The following CCDC171 variants were observed in gnomAD, a reference collection of about 807,000 sequenced individuals.
CCDC171 encodes the protein coiled-coil domain containing 171, also known as coiled-coil domain-containing protein 171.
In CCDC171, 177 loss-of-function variants were observed where a neutral mutation model predicts 168.2. The observed-to-expected ratio is 1.05, with a 90% CI of 0.93 to 1.19. CCDC171 has a LOEUF of 1.19. CCDC171 is among the 50% of genes most tolerant of loss of function. CCDC171 has a pLI of 0.00. For missense variants in CCDC171, 1,991 were observed against 1,539.0 expected (o/e 1.29, Z -4.91); for synonymous variants, 687 against 540.8 (o/e 1.27, Z -3.75).
At chr9:15,797,889 C>A (rs1588562449) in intron 21 of CCDC171, among the ~76,000 whole-genome samples, 2 of 152,136 alleles carry the variant, frequency 1.3e-5, no homozygotes, top group Non-Finnish European at 2.9e-5. Flanking sequence ...CTGTTTAAAA[C>A]ATATGGTCCT....
At chr9:15,952,473 C>T (rs551980905) in intron 25 of CCDC171, among the ~76,000 whole-genome samples, 2 of 152,150 alleles carry the variant, frequency 1.3e-5, no homozygotes, top group Non-Finnish European at 2.9e-5. Context: ...TCTCAGCTCA[C>T]TGCAACCTCG....
the CCDC171 span, among the ~76,000 whole-genome samples, chr9:16,082,513 G>A: frequency 6.6e-6 from 1 of 152,118 alleles, no homozygotes; most frequent in African/African-American, 2.4e-5. Flanking sequence ...TTTTTGACCT[G>A]GGCCTGGGGT....
In CCDC171 at chr9:15,934,345, ATGCCAC is replaced by A. The variant is rs1267488898; in HGVS notation, c.3753+13927_3753+13932del. Among the ~76,000 whole-genome samples, 4 of 147,612 alleles carry A rather than the reference ATGCCAC, an allele frequency of 2.7e-5. No individual in the cohort carries two copies. The East Asian group carries it at 8.1e-4, about 30-fold the overall frequency. On this transcript the variant is annotated intron_variant, in intron 25 of 25. Coordinates refer to ENST00000380701, the MANE Select transcript of CCDC171 (RefSeq NM_173550.4). ...TTGAAGGCTGCAGTGAGCTATGATC[ATGCCAC>A]TGCACTCCAGCCTGGGCAACAGTGT...
chr9:16,076,094 G>A, the CCDC171 span, among the ~76,000 whole-genome samples: 6 of 152,020 alleles, frequency 3.9e-5, no homozygotes, highest in Admixed American at 3.9e-4. Flanking sequence ...AGGAGGTAGA[G>A]GGGTGAATGC....
intron 9 of CCDC171, among the ~76,000 whole-genome samples, chr9:15,678,154 T>G (rs1043331358): frequency 6.6e-6 from 1 of 151,456 alleles, no homozygotes; most frequent in African/African-American, 2.4e-5. Context: ...CAAATGATCT[T>G]CCTGCTATGG....
intron 10 of CCDC171, among the ~76,000 whole-genome samples, chr9:15,680,417 T>A (rs1272374620): frequency 2.0e-5 from 3 of 152,200 alleles, no homozygotes; most frequent in African/African-American, 7.2e-5. Flanking sequence ...GGACAATGGA[T>A]ATTATTTTCC....
chr9:15,649,345 C>G (rs2047312762), intron 7 of CCDC171, among the ~76,000 whole-genome samples: 1 of 152,178 alleles, frequency 6.6e-6, no homozygotes, highest in Admixed American at 6.5e-5. Flanking sequence ...TGGGCAAGGA[C>G]TTCATGACTA....
chr9:16,053,273 A>G (rs894633270), intron 1 of CCDC171, among the ~76,000 whole-genome samples: 1 of 152,272 alleles, frequency 6.6e-6, no homozygotes, highest in Admixed American at 6.5e-5. Flanking sequence ...ACCAGAGTCC[A>G]GGTCCACTGA....
intron 25 of CCDC171, among the ~76,000 whole-genome samples, chr9:15,952,429 G>A (rs773418666): frequency 6.6e-6 from 1 of 151,982 alleles, no homozygotes; most frequent in Non-Finnish European, 1.5e-5. Context: ...ACAGAGTCTC[G>A]CTGTGTTTCC....
At chr9:15,934,784 C>A (rs1450206679) in intron 25 of CCDC171, among the ~76,000 whole-genome samples, 1 of 151,998 alleles carries the variant, frequency 6.6e-6, no homozygotes, top group African/African-American at 2.4e-5. Context: ...TAGGTAAATG[C>A]CATACAGCCA....
Position 15,889,004 on chromosome 9 carries a change from A to G in CCDC171, c.3600+14341A>G, listed in dbSNP as rs547436932. The G allele has an allele frequency of 8.1e-5, 10 of 124,136 alleles. No individual in the cohort carries two copies. In the East Asian group the frequency reaches 2.3e-3, roughly 29 times the overall value. The allele number at this position is 124,136 out of a possible 1,614,324, so 7.7% of individuals were successfully genotyped here. ...ACAGGGTCTTACTTCTGTCATCCAG[A>G]CTGGAGTGCAGCAGTGCGATCTCAG... On this transcript the variant is annotated intron_variant, in intron 24 of 25. Coordinates refer to ENST00000380701, the MANE Select transcript of CCDC171 (RefSeq NM_173550.4).
the CCDC171 span, among the ~76,000 whole-genome samples, chr9:16,099,659 T>C: frequency 6.6e-6 from 1 of 152,154 alleles, no homozygotes; most frequent in Non-Finnish European, 1.5e-5. Flanking sequence ...CATGAGTCCA[T>C]CCCAGTTTGC....
chr9:15,691,668 T>A (rs2050806887), intron 10 of CCDC171, among the ~76,000 whole-genome samples: 1 of 151,394 alleles, frequency 6.6e-6, no homozygotes, highest in Non-Finnish European at 1.5e-5. Context: ...TTATTTATGT[T>A]GTATTGTATT....
rs367731094 is a variant in CCDC171, at chr9:15,804,092, CTT to C, written c.3267+19400_3267+19401del. Reference sequence around the variant, plus strand: ...TGCACATTGATTTTGTATCCTGAGACTTTGCTGAAGTTGCTTATCAGCTTGAG... The same window carrying C: ...TGCACATTGATTTTGTATCCTGAGACTGCTGAAGTTGCTTATCAGCTTGAG... On this transcript the variant is annotated intron_variant, in intron 21 of 25. Transcript: ENST00000380701. Among the ~76,000 whole-genome samples the C allele has an allele frequency of 2.5e-3, 376 of 152,220 alleles. 1 individual carries two copies. The highest frequency in any genetic ancestry group is 0.02 in the Middle Eastern group (6 of 294).
Position 15,903,575 on chromosome 9 carries a change from C to T in CCDC171, c.3601-16695C>T, listed in dbSNP as rs137928971. Reference sequence around the variant, plus strand: ...AAGGTAGATAAAACCACAAAGATGGCGAAAAACAGAGCAGAAAAACTGGAA... The same window carrying T: ...AAGGTAGATAAAACCACAAAGATGGTGAAAAACAGAGCAGAAAAACTGGAA... On this transcript the variant is annotated intron_variant, in intron 24 of 25. Transcript: ENST00000380701. 4.0e-3 allele frequency among the ~76,000 whole-genome samples: 615 copies of T among 152,210 alleles called. 3 individuals are homozygous for T. The highest frequency in any genetic ancestry group is 0.013 in the African/African-American group (553 of 41,540).
rs778411748 is a variant in CCDC171, at chr9:15,571,680, A to G, written c.98A>G (p.Asp33Gly). ...ATACTTAAAAATGAAACAGAGTTGG[A>G]TATTACTGATAATCTCAGGAAGAAA... ...KQILKNETEL[D>G]ITDNLRKKLH... Residue 33 changes from aspartate to glycine, a missense_variant, in exon 3 of 26, where the codon GAT becomes GGT. Physicochemically the swap from Asp to Gly is moderately conservative, Grantham distance 94. Coordinates refer to ENST00000380701, the MANE Select transcript of CCDC171 (RefSeq NM_173550.4). 6.3e-7 allele frequency: 1 copy of G among 1,578,202 alleles called. No homozygotes were observed. Among genetic ancestry groups the G allele is most frequent in the South Asian group, 1.2e-5 (1 of 83,942 alleles).
At chr9:16,033,314 C>T (rs867806531) in intron 6 of CCDC171, among the ~76,000 whole-genome samples, 76 of 152,204 alleles carry the variant, frequency 5.0e-4, no homozygotes, top group African/African-American at 1.8e-3. Flanking sequence ...AGGTGAGTGG[C>T]AGGAGAGTGA....
At chr9:16,044,229 T>C (rs1833617380) in intron 1 of CCDC171, among the ~76,000 whole-genome samples, 1 of 152,220 alleles carries the variant, frequency 6.6e-6, no homozygotes, top group African/African-American at 2.4e-5. Flanking sequence ...GAAGGATTCA[T>C]TTTTGATTTA....
chr9:15,972,100 G>A lies in CCDC171; in HGVS notation c.*264G>A, dbSNP rs1831416608. ...AATGTTAAGGAATGACACATTTTGG[G>A]TAATTTCCCTCAGACTTAAAAAAAT... On this transcript the variant is annotated 3_prime_UTR_variant, in exon 26 of 26. Coordinates refer to ENST00000380701, the MANE Select transcript of CCDC171 (RefSeq NM_173550.4). 1 of 415,734 alleles carries A rather than the reference G, an allele frequency of 2.4e-6. No individual in the cohort carries two copies. The highest frequency in any genetic ancestry group is 2.0e-5 in the African/African-American group (1 of 48,978). 25.8% of individuals were successfully genotyped at this position (415,734 alleles called of 1,614,324 possible). A position where few individuals can be genotyped will look rare whatever the true frequency, so the allele number is the denominator to read the frequency against.
Sources: allele counts gnomAD v4.1 joint callset (sites outside exome capture counted in the v4.1 genomes callset), GRCh38; gene constraint gnomAD v4.1.1; transcripts MANE v1.5; gene names NCBI Gene and HGNC (gene_info 2026-07-23, HGNC 2026-07-21).